Variants in DSCAML1 observed in about 807,000 individuals in gnomAD.
DSCAML1 encodes DS cell adhesion molecule like 1, also known as cell adhesion molecule DSCAML1.
DSCAML1 carries 38 observed loss-of-function variants against 200.5 expected under a neutral mutation model. The observed-to-expected ratio is 0.19, with a 90% CI of 0.15 to 0.25. The LOEUF (loss-of-function observed/expected upper bound fraction) is 0.25, where lower values mean the gene tolerates loss of function less well. Ranked by LOEUF, DSCAML1 falls within the 10% of genes least tolerant of loss-of-function variation. The pLI, the probability that DSCAML1 is intolerant of heterozygous loss-of-function variation, is 1.00. For missense variants in DSCAML1, 2,223 were observed against 2,858.8 expected (o/e 0.78, Z 5.07); for synonymous variants, 1,215 against 1,165.0 (o/e 1.04, Z -0.87).
At chr11:117,812,480 T>C (rs2055769325) in intron 1 of DSCAML1, among the ~76,000 whole-genome samples, 3 of 152,050 alleles carry the variant, frequency 2.0e-5, no homozygotes, top group Admixed American at 2.0e-4. Flanking sequence ...CTATCCGCAA[T>C]ACCTCCCTCC....
At chr11:117,790,242 G>C (rs2055435648) in intron 1 of DSCAML1, among the ~76,000 whole-genome samples, 1 of 152,256 alleles carries the variant, frequency 6.6e-6, no homozygotes, top group African/African-American at 2.4e-5. Context: ...CCTGCAGGGA[G>C]AATGTCCCTT....
At chr11:117,619,380 G>A (rs76589374) in intron 3 of DSCAML1, among the ~76,000 whole-genome samples, 1 of 152,218 alleles carries the variant, frequency 6.6e-6, no homozygotes, top group Non-Finnish European at 1.5e-5. Flanking sequence ...AGGAGGGCCT[G>A]GCCTCAGGAG....
chr11:117,777,383 G>A (rs1448476777), intron 2 of DSCAML1, among the ~76,000 whole-genome samples: 1 of 152,152 alleles, frequency 6.6e-6, no homozygotes, highest in African/African-American at 2.4e-5. Context: ...CATTATTGCT[G>A]GACCCAGGGT....
chr11:117,715,073 G>A (rs4529912), intron 3 of DSCAML1, among the ~76,000 whole-genome samples: 121,526 of 151,658 alleles, frequency 0.8, 51,835 homozygotes, highest in Non-Finnish European at 0.94. Context: ...ACATGTAGAT[G>A]GCTAAGTTTA....
intron 11 of DSCAML1, among the ~76,000 whole-genome samples, chr11:117,482,451 G>A (rs936106127): frequency 6.6e-6 from 1 of 152,176 alleles, no homozygotes; most frequent in Non-Finnish European, 1.5e-5. Flanking sequence ...GAAACCACTT[G>A]TATTGAAATA....
intron 3 of DSCAML1, among the ~76,000 whole-genome samples, chr11:117,698,090 G>T (rs2053614710): frequency 6.6e-6 from 1 of 152,114 alleles, no homozygotes; most frequent in Non-Finnish European, 1.5e-5. Flanking sequence ...TCTTTTTAGA[G>T]GCTGAATCAT....
chr11:117,518,328 G>T lies in DSCAML1; in HGVS notation c.1510+138C>A. 1 of 1,183,258 alleles carries T rather than the reference G, an allele frequency of 8.5e-7. No individual in the cohort carries two copies. Among genetic ancestry groups the T allele is most frequent in the Non-Finnish European group, 1.2e-6 (1 of 821,320 alleles). 73.3% of individuals were successfully genotyped at this position (1,183,258 alleles called of 1,614,324 possible). A position where few individuals can be genotyped will look rare whatever the true frequency, so the allele number is the denominator to read the frequency against. On this transcript the variant is annotated intron_variant, in intron 7 of 32. Transcript: ENST00000651296. This position sits in a 1 kb window ranked among gnomAD's most constrained non-coding sequence, Gnocchi z 6.3. ...CTTGAGGAGGGCAGGAAAAGGGGAC[G>T]AGAGAGGGGAGAGAGACCTCTACTA...
intron 3 of DSCAML1, among the ~76,000 whole-genome samples, chr11:117,662,797 C>G (rs1293405125): frequency 6.6e-6 from 1 of 152,170 alleles, no homozygotes; most frequent in Non-Finnish European, 1.5e-5. Context: ...ACCCAGCGTG[C>G]TTACTTAAAA....
intron 3 of DSCAML1, among the ~76,000 whole-genome samples, chr11:117,745,724 C>G (rs151073869): frequency 1.3e-5 from 2 of 152,308 alleles, no homozygotes; most frequent in African/African-American, 4.8e-5. Flanking sequence ...GTCAGCTCAG[C>G]ATGGAGCATC....
At chr11:117,699,734 C>A (rs1422983490) in intron 3 of DSCAML1, among the ~76,000 whole-genome samples, 1 of 152,242 alleles carries the variant, frequency 6.6e-6, no homozygotes, top group Admixed American at 6.5e-5. Flanking sequence ...GCTCCATCCC[C>A]ACTTTATGTT....
At chr11:117,632,631 A>G (rs766848460) in intron 3 of DSCAML1, among the ~76,000 whole-genome samples, 12 of 152,190 alleles carry the variant, frequency 7.9e-5, no homozygotes, top group Admixed American at 3.3e-4. Context: ...TTTGAGTTTT[A>G]TGGCATGGCC....
At chr11:117,816,916 C>A (rs994807013) in intron 1 of DSCAML1, among the ~76,000 whole-genome samples, 1 of 152,192 alleles carries the variant, frequency 6.6e-6, no homozygotes, top group Admixed American at 6.5e-5. Context: ...TAGCGATCGG[C>A]CTGTCTGAGG....
chr11:117,634,646 C>A (rs1414599995), intron 3 of DSCAML1, among the ~76,000 whole-genome samples: 1 of 152,154 alleles, frequency 6.6e-6, no homozygotes, highest in Non-Finnish European at 1.5e-5. Context: ...GATCCACAGG[C>A]TCCCAAAGCC....
At chr11:117,806,113 T>C (rs1229112858) in intron 1 of DSCAML1, among the ~76,000 whole-genome samples, 2 of 152,256 alleles carry the variant, frequency 1.3e-5, no homozygotes, top group Admixed American at 1.3e-4. Flanking sequence ...AGGTCTTTGA[T>C]GACTGTTTGT....
chr11:117,625,755 A>G (rs2052029219), intron 3 of DSCAML1, among the ~76,000 whole-genome samples: 2 of 152,248 alleles, frequency 1.3e-5, no homozygotes, highest in African/African-American at 4.8e-5. Context: ...CTTACTAACA[A>G]TGCCTGTGGG....
At chr11:117,444,215 GT>G (rs1189010881) in intron 20 of DSCAML1, among the ~76,000 whole-genome samples, 176 bp from the exon 21 acceptor site, 1 of 152,052 alleles carries the variant, frequency 6.6e-6, no homozygotes, top group Non-Finnish European at 1.5e-5. Context: ...TGTGCCCTGG[GT>G]TTGGTCCCTG....
chr11:117,546,371 C>T (rs1480694957), intron 3 of DSCAML1, among the ~76,000 whole-genome samples: 1 of 152,236 alleles, frequency 6.6e-6, no homozygotes, highest in African/African-American at 2.4e-5. Flanking sequence ...CGAGTGCACC[C>T]AGCGCAGTGC....
intron 3 of DSCAML1, among the ~76,000 whole-genome samples, chr11:117,758,443 C>G (rs2054736728): frequency 6.6e-6 from 1 of 151,272 alleles, no homozygotes; most frequent in South Asian, 2.1e-4. Flanking sequence ...GCTCTGTTGC[C>G]CAGGCTGGAG....
chr11:117,612,598 T>C (rs1455107604), intron 3 of DSCAML1, among the ~76,000 whole-genome samples: 2 of 152,048 alleles, frequency 1.3e-5, no homozygotes. Flanking sequence ...GCAGGTGGGA[T>C]GGTGATATCC....
Sources: gnomAD v4.1 joint callset for allele counts (sites outside exome capture counted in the v4.1 genomes callset) on GRCh38, gnomAD v4.1.1 for gene constraint, Gnocchi (gnomAD v3.1) non-coding constraint, MANE v1.5 for transcripts, NCBI Gene and HGNC (gene_info 2026-07-23, HGNC 2026-07-21) for gene names.